RBM6: variants seen among roughly 807,000 people sequenced by gnomAD.
RBM6 encodes the protein RNA binding motif protein 6, also known as RNA-binding protein 6.
RBM6 carries 23 observed loss-of-function variants against 140.4 expected under a neutral mutation model. The observed-to-expected ratio is 0.16, with a 90% CI of 0.12 to 0.23. RBM6 has a LOEUF of 0.23. Among genes scored for constraint, RBM6 ranks in the 10% least tolerant of loss-of-function variants. The pLI, the probability that RBM6 is intolerant of heterozygous loss-of-function variation, is 1.00. For synonymous variants in RBM6, 439 were observed against 475.6 expected, an observed-to-expected ratio of 0.92 and a Z score of 1.00; for missense variants, 1,139 against 1,386.7, an observed-to-expected ratio of 0.82 and a Z score of 2.84.
chr3:49,956,059 C>T (rs1178170666), intron 1 of RBM6, among the ~76,000 whole-genome samples: 1 of 147,656 alleles, frequency 6.8e-6, no homozygotes, highest in Admixed American at 6.9e-5. Flanking sequence ...GAGACTGTTG[C>T]CTAGGCTTTG....
chr3:50,004,394 G>A (rs62262144), intron 6 of RBM6, among the ~76,000 whole-genome samples: 3 of 143,244 alleles, frequency 2.1e-5, no homozygotes, highest in Non-Finnish European at 1.5e-5. Flanking sequence ...GGCTCACTGC[G>A]GCCTCGATCT....
intron 5 of RBM6, among the ~76,000 whole-genome samples, chr3:49,975,726 T>C (rs1011713610): frequency 2.0e-5 from 3 of 152,250 alleles, no homozygotes; most frequent in African/African-American, 7.2e-5. Context: ...TTGAGCCTAA[T>C]AGGATTTAAT....
chr3:49,991,645 C>G (rs1365053779), intron 5 of RBM6, among the ~76,000 whole-genome samples: 1 of 152,196 alleles, frequency 6.6e-6, no homozygotes, highest in Admixed American at 6.5e-5. Flanking sequence ...CCAGCTCCAG[C>G]TGGTGTCTAG....
intron 20 of RBM6, among the ~76,000 whole-genome samples, chr3:50,076,348 C>T (rs1020042299): frequency 3.3e-5 from 5 of 151,114 alleles, no homozygotes; most frequent in African/African-American, 9.7e-5. Flanking sequence ...TTTGGGAGGC[C>T]GAGGTGGGTG....
intron 3 of RBM6, among the ~76,000 whole-genome samples, 178 bp from the exon 4 acceptor site, chr3:49,971,881 A>G (rs549535435): frequency 3.3e-5 from 5 of 152,160 alleles, no homozygotes; most frequent in African/African-American, 9.6e-5. Context: ...GCACATTTAC[A>G]TTCTTATGAT....
At chr3:49,991,055 G>A (rs1463917633) in intron 5 of RBM6, among the ~76,000 whole-genome samples, 1 of 152,118 alleles carries the variant, frequency 6.6e-6, no homozygotes, top group Non-Finnish European at 1.5e-5. Context: ...GTCTGATTTG[G>A]CTACAAAATT....
chr3:50,049,196 C>G (rs1251153284), intron 7 of RBM6, among the ~76,000 whole-genome samples: 4 of 151,484 alleles, frequency 2.6e-5, no homozygotes, highest in African/African-American at 7.3e-5. Context: ...ACAACCTCTG[C>G]CACCCGGGTT....
intron 6 of RBM6, among the ~76,000 whole-genome samples, chr3:50,009,677 C>A (rs2086752537): frequency 6.6e-6 from 1 of 151,062 alleles, no homozygotes; most frequent in Non-Finnish European, 1.5e-5. Context: ...CCTACCTCAG[C>A]CTTCTGAATA....
At chr3:49,987,773 G>A in intron 5 of RBM6, among the ~76,000 whole-genome samples, 1 of 152,004 alleles carries the variant, frequency 6.6e-6, no homozygotes, top group Non-Finnish European at 1.5e-5. Context: ...TGAGTAGCTG[G>A]GATTACAGCC....
chr3:50,053,493 T>C (rs981326398), intron 7 of RBM6, among the ~76,000 whole-genome samples: 1 of 151,598 alleles, frequency 6.6e-6, no homozygotes, highest in Non-Finnish European at 1.5e-5. Context: ...ATCATGCCGT[T>C]GCACTCCAGC....
intron 6 of RBM6, among the ~76,000 whole-genome samples, chr3:50,005,024 C>G (rs2086510538): frequency 1.3e-5 from 2 of 152,082 alleles, no homozygotes; most frequent in Admixed American, 1.3e-4. Context: ...TAAACATTGA[C>G]TTTTTCTGGT....
At chr3:50,026,948 TTGA>T (rs1432431942) in intron 6 of RBM6, among the ~76,000 whole-genome samples, 1 of 151,930 alleles carries the variant, frequency 6.6e-6, no homozygotes, top group Non-Finnish European at 1.5e-5. Flanking sequence ...ATTTGATGAT[TTGA>T]TGATTTCATT....
chr3:50,051,671 T>C (rs2089474022), intron 7 of RBM6, among the ~76,000 whole-genome samples: 1 of 152,186 alleles, frequency 6.6e-6, no homozygotes, highest in Non-Finnish European at 1.5e-5. Flanking sequence ...TTTAAGTTTA[T>C]TATGTACCTA....
intron 2 of RBM6, among the ~76,000 whole-genome samples, chr3:49,965,269 G>A (rs2084455548): frequency 6.6e-6 from 1 of 152,198 alleles, no homozygotes; most frequent in Non-Finnish European, 1.5e-5. Flanking sequence ...ATGAGTGTCT[G>A]ATGAAGCTTA....
Position 50,025,014 on chromosome 3 carries a change from GA to G in RBM6, c.1558-23227del, listed in dbSNP as rs914544351. Among the ~76,000 whole-genome samples, 231 of 150,362 alleles carry G rather than the reference GA, an allele frequency of 1.5e-3. 1 individual carries two copies. The highest frequency in any genetic ancestry group is 5.3e-3 in the African/African-American group (218 of 41,062). ...TCAAAAAACAAAAAACAAAAAACAA[GA>G]AAACAGTTTTCCAGTCTAAGAATGT... is the stretch of plus-strand genomic sequence containing the variant. On this transcript the variant is annotated intron_variant, in intron 6 of 20. Transcript: ENST00000266022.
rs534795695 is a variant in RBM6 at position 49,945,376 on chromosome 3, G to A, written c.-67+5151G>A. Among the ~76,000 whole-genome samples the A allele has an allele frequency of 9.9e-5, 15 of 151,860 alleles. No homozygotes were observed. In the South Asian group the frequency reaches 3.1e-3, roughly 32 times the overall value. On this transcript the variant is annotated intron_variant, in intron 1 of 20. Transcript: ENST00000266022. ...TATTTTTTTGTAGCTGTGGGATTTC[G>A]CTAGGTTGCCCAGGCTTTATGTATC...
chr3:50,013,679 C>A (rs2086971794), intron 6 of RBM6, among the ~76,000 whole-genome samples: 1 of 152,114 alleles, frequency 6.6e-6, no homozygotes, highest in South Asian at 2.1e-4. Context: ...ATATGTTCTT[C>A]CATGAGACAG....
At chr3:50,011,173 TTAGATCACTGCACTC>T (rs1388818593) in intron 6 of RBM6, among the ~76,000 whole-genome samples, 2 of 151,832 alleles carry the variant, frequency 1.3e-5, no homozygotes, top group Non-Finnish European at 2.9e-5. Flanking sequence ...TGAGCCATGA[TTAGATCACTGCACTC>T]TAGCCTGAAT....
At chr3:50,016,286 T>A (rs2087142232) in intron 6 of RBM6, among the ~76,000 whole-genome samples, 1 of 152,214 alleles carries the variant, frequency 6.6e-6, no homozygotes, top group Non-Finnish European at 1.5e-5. Context: ...CCTTCTTTTT[T>A]AAGGCCAAAT....
Sources: allele counts gnomAD v4.1 joint callset (sites outside exome capture counted in the v4.1 genomes callset), GRCh38; gene constraint gnomAD v4.1.1; transcripts MANE v1.5; gene names NCBI Gene and HGNC (gene_info 2026-07-23, HGNC 2026-07-21).